UGT2A2: variants seen among roughly 807,000 people sequenced by gnomAD.
UGT2A2 encodes the protein UDP-glucuronosyltransferase 2A2.
A neutral mutation model predicts 50.7 loss-of-function variants in UGT2A2; 60 were observed. That is an observed-to-expected ratio of 1.18 (90% confidence interval 0.96 to 1.47). The LOEUF (loss-of-function observed/expected upper bound fraction) is 1.47, where lower values mean the gene tolerates loss of function less well. Among genes scored for constraint, UGT2A2 ranks in the 40% most tolerant of loss-of-function variants. The pLI is 0.00. For synonymous variants in UGT2A2, 242 were observed against 214.6 expected (o/e 1.13, Z -1.11); for missense variants, 762 against 634.0 (o/e 1.20, Z -2.17).
At chr4:69,596,624 T>A (rs539752793) in intron 2 of UGT2A2, among the ~76,000 whole-genome samples, 3 of 152,108 alleles carry the variant, frequency 2.0e-5, no homozygotes, top group Admixed American at 6.6e-5. Context: ...CCGGTTCAAG[T>A]GATTCTCACA....
intron 1 of UGT2A2, among the ~76,000 whole-genome samples, chr4:69,615,300 A>G (rs928463264): frequency 6.6e-6 from 1 of 152,010 alleles, no homozygotes; most frequent in African/African-American, 2.4e-5. Context: ...CACTAAGACA[A>G]TGTTCTGGGC....
rs775860114 is a variant in UGT2A2 at position 69,639,008 on chromosome 4, G to A, written c.633C>T (p.Asp211=). Residue 211 remains aspartate (D), a synonymous_variant, in exon 1 of 6, where the codon GAC becomes GAT. Transcript: ENST00000604629. ...YVPAALSELT[D]QMTFGERIKN... ...TAATCCTTTCACCAAAGGTCATCTGGTCAGTGAGCTCTGATAAGGCTGCCG... is the reference window on the plus strand; with the variant it reads ...TAATCCTTTCACCAAAGGTCATCTGATCAGTGAGCTCTGATAAGGCTGCCG... 226 of 1,613,104 alleles carry A rather than the reference G, an allele frequency of 1.4e-4. No individual in the cohort carries two copies. Among genetic ancestry groups the A allele is most frequent in the Non-Finnish European group, 1.9e-4 (225 of 1,179,544 alleles).
intron 1 of UGT2A2, among the ~76,000 whole-genome samples, chr4:69,609,600 C>G (rs926495986): frequency 8.5e-5 from 13 of 152,138 alleles, no homozygotes; most frequent in Non-Finnish European, 1.5e-4. Context: ...GGAAATATAA[C>G]ACCCTACTCG....
chr4:69,596,333 ACAC>A lies in UGT2A2; in HGVS notation c.937_939del (p.Val313del). 6.2e-7 allele frequency: 1 copy of A among 1,606,586 alleles called. No homozygotes were observed. The highest frequency in any genetic ancestry group is 8.5e-7 in the Non-Finnish European group (1 of 1,175,698). On this transcript the variant is annotated inframe_deletion, in exon 3 of 6. Coordinates refer to ENST00000604629, the MANE Select transcript of UGT2A2 (RefSeq NM_001105677.2). ...TTTTTGACCATTGATCCCAGAGAAA[ACAC>A]CACAACACCATTTTTACCTGAGCTC...
Position 69,605,847 on chromosome 4 carries a change from C to T in UGT2A2, c.743-6453G>A, listed in dbSNP as rs771796990. 1.5e-5 allele frequency among the ~76,000 whole-genome samples: 2 copies of T among 136,888 alleles called. 1 individual carries two copies. Among genetic ancestry groups the T allele is most frequent in the African/African-American group, 5.9e-5 (2 of 33,832 alleles). 89.8% of individuals were successfully genotyped at this position (136,888 alleles called of 152,430 possible). On this transcript the variant is annotated intron_variant, in intron 1 of 5. Coordinates refer to ENST00000604629, the MANE Select transcript of UGT2A2 (RefSeq NM_001105677.2). The stretch of plus-strand genomic sequence containing the variant: ...AAAGAAATGAATAAATTCCTTGACA[C>T]GTACACCCTCCCAAGACTAAATCAG...
At chr4:69,626,996 C>T (rs1169277078) in intron 1 of UGT2A2, among the ~76,000 whole-genome samples, 1 of 151,638 alleles carries the variant, frequency 6.6e-6, no homozygotes, top group Admixed American at 6.6e-5. Flanking sequence ...AAACACTTCT[C>T]CAGTGAACGG....
At chr4:69,632,624 T>G (rs944436856) in intron 1 of UGT2A2, among the ~76,000 whole-genome samples, 7 of 152,120 alleles carry the variant, frequency 4.6e-5, no homozygotes, top group African/African-American at 1.7e-4. Context: ...GCACAATGAC[T>G]CAGGCCTGTA....
At chr4:69,627,560 GAGAGAGAA>G (rs1172467919) in intron 1 of UGT2A2, among the ~76,000 whole-genome samples, 3 of 142,748 alleles carry the variant, frequency 2.1e-5, no homozygotes, top group Non-Finnish European at 4.7e-5. Context: ...GAGAGAGAGA[GAGAGAGAA>G]AGAAAGAGAG....
intron 1 of UGT2A2, among the ~76,000 whole-genome samples, chr4:69,623,728 G>A (rs11946382): frequency 0.27 from 41,177 of 150,886 alleles, 5,876 homozygotes; most frequent in South Asian, 0.32. Context: ...TCTCAAGTTA[G>A]TGTAAAATTA....
intron 3 of UGT2A2, among the ~76,000 whole-genome samples, chr4:69,595,951 A>G (rs1698741154): frequency 6.6e-6 from 1 of 152,228 alleles, no homozygotes; most frequent in African/African-American, 2.4e-5. Flanking sequence ...TCAGTGGAGA[A>G]CAAAAAATTT....
At chr4:69,595,845 C>T (rs941353274) in intron 3 of UGT2A2, among the ~76,000 whole-genome samples, 16 of 152,124 alleles carry the variant, frequency 1.1e-4, no homozygotes, top group African/African-American at 2.9e-4. Context: ...CCTAGACATT[C>T]GAATTATATT....
Position 69,606,515 on chromosome 4 carries a change from G to C in UGT2A2, c.743-7121C>G, listed in dbSNP as rs1308096377. ...GTATTCCCTTTGAAAACTGGCACAA[G>C]ACAGGGATGCCCTCTCTCACCACTC... On this transcript the variant is annotated intron_variant, in intron 1 of 5. Transcript: ENST00000604629. Among the ~76,000 whole-genome samples, 46 of 136,242 alleles carry C rather than the reference G, an allele frequency of 3.4e-4. 7 individuals are homozygous for C. Among genetic ancestry groups the C allele is most frequent in the African/African-American group, 1.3e-3 (44 of 33,538 alleles). 89.4% of individuals were successfully genotyped at this position (136,242 alleles called of 152,430 possible).
At position 69,596,240 on chromosome 4, in the gene UGT2A2, C is replaced by G. The variant is rs1484475182; in HGVS notation, c.1023+10G>C. The G allele has an allele frequency of 1.7e-5, 26 of 1,537,732 alleles. No homozygotes were observed. The highest frequency in any genetic ancestry group is 2.3e-5 in the Non-Finnish European group (26 of 1,141,582). ...AAAAGCTGTGTACCAGGATTCCAGG[C>G]TGTACTGACCTTCTGTGGAATCTGG... On this transcript the variant is annotated intron_variant, in intron 3 of 5. Transcript: ENST00000604629.
At position 69,638,938 on chromosome 4, in the gene UGT2A2, A is replaced by C. The variant is rs539429554; in HGVS notation, c.703T>G (p.Tyr235Asp). Reference protein sequence around the residue: ...YSLQDYIFQSYWGEWNSYYSK... With the variant: ...YSLQDYIFQSDWGEWNSYYSK... ...TAGTATGAATTCCATTCTCCCCAGT[A>C]GGACTGAAATATATAGTCTTGCAGA... Residue 235 changes from tyrosine to aspartate, a missense_variant, in exon 1 of 6, where the codon TAC becomes GAC. Tyr to Asp is a radical substitution (Grantham distance 160). Coordinates refer to ENST00000604629, the MANE Select transcript of UGT2A2 (RefSeq NM_001105677.2). The C allele has an allele frequency of 1.9e-6, 3 of 1,611,246 alleles. No homozygotes were observed. In the East Asian group the frequency reaches 6.7e-5, roughly 36 times the overall value.
intron 5 of UGT2A2, among the ~76,000 whole-genome samples, chr4:69,592,332 C>A (rs2109875254): frequency 6.6e-6 from 1 of 152,080 alleles, no homozygotes; most frequent in African/African-American, 2.4e-5. Flanking sequence ...AAATTCAGAG[C>A]AAACACCAAG....
At chr4:69,632,061 T>C (rs1721418656) in intron 1 of UGT2A2, among the ~76,000 whole-genome samples, 2 of 152,224 alleles carry the variant, frequency 1.3e-5, no homozygotes, top group Non-Finnish European at 2.9e-5. Context: ...ATGTGATGTA[T>C]ATTAACTTTA....
At position 69,594,558 on chromosome 4, in the gene UGT2A2, C is replaced by A. The variant is rs777001552; in HGVS notation, c.1250G>T (p.Gly417Val). ...GTTTAGGTTCACTTCCACAGCTGCT[C>A]CTTTGGCCTTCATGTGAGCAATGTT... is the stretch of plus-strand genomic sequence containing the variant. ...PDNIAHMKAKGAAVEVNLNTM... is the reference protein window; with the variant it reads ...PDNIAHMKAKVAAVEVNLNTM... The change falls in exon 5 of 6, where the codon GGA becomes GTA. Residue 417 changes from glycine to valine, a missense_variant. Transcript: ENST00000604629. 3 of 1,614,138 alleles carry A rather than the reference C, an allele frequency of 1.9e-6. No homozygotes were observed. In the South Asian group the frequency reaches 3.3e-5, roughly 18 times the overall value.
rs1348275937 is a variant in UGT2A2 at position 69,596,184 on chromosome 4, A to G, written c.1023+66T>C. On this transcript the variant is annotated intron_variant, in intron 3 of 5. Coordinates refer to ENST00000604629, the MANE Select transcript of UGT2A2 (RefSeq NM_001105677.2). ...GTTTTGATTTTCATATGGAAAGAACATTACTAGCTGCATTGTCTCTCCCAT... is the reference window on the plus strand; with the variant it reads ...GTTTTGATTTTCATATGGAAAGAACGTTACTAGCTGCATTGTCTCTCCCAT... The G allele has an allele frequency of 2.1e-6, 3 of 1,398,066 alleles. No individual in the cohort carries two copies. In the African/African-American group the frequency reaches 4.4e-5, roughly 20 times the overall value. The allele number at this position is 1,398,066 out of a possible 1,614,324, so 86.6% of individuals were successfully genotyped here.
intron 1 of UGT2A2, among the ~76,000 whole-genome samples, chr4:69,616,779 T>C (rs1318563527): frequency 6.6e-6 from 1 of 151,460 alleles, no homozygotes; most frequent in Non-Finnish European, 1.5e-5. Flanking sequence ...CTTCTCATTA[T>C]AATAAAAATC....
Sources: allele counts gnomAD v4.1 joint callset (sites outside exome capture counted in the v4.1 genomes callset), GRCh38; gene constraint gnomAD v4.1.1; transcripts MANE v1.5; gene names NCBI Gene and HGNC (gene_info 2026-07-23, HGNC 2026-07-21).